GRB2: variants seen among roughly 807,000 people sequenced by gnomAD.
The protein encoded by GRB2 is growth factor receptor-bound protein 2.
In GRB2, 2 loss-of-function variants were observed where a neutral mutation model predicts 27.4. That is an observed-to-expected ratio of 0.07 (90% CI 0.03 to 0.23). The LOEUF (loss-of-function observed/expected upper bound fraction) is 0.23, where lower values mean the gene tolerates loss of function less well. GRB2 is among the 10% of genes least tolerant of loss of function. The probability of loss-of-function intolerance (pLI) is 1.00; values close to 1 mark genes in which losing one functional copy is unlikely to be tolerated. For missense variants in GRB2, 102 were observed against 282.4 expected, an observed-to-expected ratio of 0.36 and a Z score of 4.58; for synonymous variants, 94 against 99.6, an observed-to-expected ratio of 0.94 and a Z score of 0.33.
intron 2 of GRB2, among the ~76,000 whole-genome samples, chr17:75,360,084 C>T (rs1381372510): frequency 6.6e-6 from 1 of 151,604 alleles, no homozygotes; most frequent in Non-Finnish European, 1.5e-5. Flanking sequence ...GGGTTAGAGA[C>T]CAGCCTGGGC....
At chr17:75,337,536 T>C (rs1337477607) in intron 2 of GRB2, among the ~76,000 whole-genome samples, 1 of 151,518 alleles carries the variant, frequency 6.6e-6, no homozygotes, top group Non-Finnish European at 1.5e-5. Flanking sequence ...AAAGCTCACA[T>C]CCTTCACAAA....
At chr17:75,358,700 TAAAAAAAAAA>T (rs71159497) in intron 2 of GRB2, among the ~76,000 whole-genome samples, 4 of 66,284 alleles carry the variant, frequency 6.0e-5, no homozygotes, top group African/African-American at 1.3e-4. Flanking sequence ...CCATCTCTAC[TAAAAAAAAAA>T]AAAAAAAAAA....
intron 2 of GRB2, among the ~76,000 whole-genome samples, chr17:75,349,487 C>G (rs924747544): frequency 6.7e-6 from 1 of 148,430 alleles, no homozygotes. Flanking sequence ...TGGTTCGAGC[C>G]TTCTGTTTTC....
intron 4 of GRB2, among the ~76,000 whole-genome samples, chr17:75,322,829 G>A (rs1035892323): frequency 2.0e-5 from 3 of 149,290 alleles, no homozygotes; most frequent in Non-Finnish European, 4.5e-5. Context: ...GGGCACTCTC[G>A]GCATTCTCGG....
intron 4 of GRB2, among the ~76,000 whole-genome samples, chr17:75,322,599 G>A (rs112214730): frequency 6.6e-5 from 10 of 152,182 alleles, no homozygotes; most frequent in African/African-American, 1.9e-4. Flanking sequence ...CCACTCATGG[G>A]GAAAAGGTCT....
intron 4 of GRB2, among the ~76,000 whole-genome samples, chr17:75,324,517 T>TTGTTTG (rs1321578243): frequency 5.3e-5 from 4 of 76,076 alleles, no homozygotes; most frequent in African/African-American, 1.7e-4. Context: ...GTTTTTTTTT[T>TTGTTTG]TTTTTTTTTT....
intron 2 of GRB2, among the ~76,000 whole-genome samples, chr17:75,378,376 G>A (rs1342052574): frequency 6.8e-6 from 1 of 146,348 alleles, no homozygotes; most frequent in African/African-American, 2.7e-5. Context: ...GAGTGAGACT[G>A]TCTCAAAAAA....
chr17:75,348,066 G>T (rs1262879326), intron 2 of GRB2, among the ~76,000 whole-genome samples: 1 of 152,170 alleles, frequency 6.6e-6, no homozygotes, highest in African/African-American at 2.4e-5. Flanking sequence ...TTGAGACAGG[G>T]GTCTTGCTCT....
rs1037079688 is a variant in GRB2 at position 75,330,654 on chromosome 17, A to C, written c.176+2046T>G. On this transcript the variant is annotated intron_variant, in intron 3 of 5. Coordinates refer to ENST00000316804, the MANE Select transcript of GRB2 (RefSeq NM_002086.5). Reference sequence around the variant, plus strand: ...GCACCACTGCACTCCAGCCTGGGCAACAGAGCAGGATTCCGTCTCATAAAA... The same window carrying C: ...GCACCACTGCACTCCAGCCTGGGCACCAGAGCAGGATTCCGTCTCATAAAA... Among the ~76,000 whole-genome samples the C allele has an allele frequency of 2.0e-5, 3 of 152,062 alleles. 1 individual carries two copies. Among genetic ancestry groups the C allele is most frequent in the Admixed American group, 2.0e-4 (3 of 15,256 alleles).
intron 2 of GRB2, among the ~76,000 whole-genome samples, chr17:75,358,882 CAAA>C (rs71159498): frequency 1.1e-5 from 1 of 94,168 alleles, no homozygotes; most frequent in African/African-American, 4.1e-5. Context: ...GACTCTGTCT[CAAA>C]AAAAAAAAAA....
chr17:75,327,049 G>A (rs556857263), intron 3 of GRB2, among the ~76,000 whole-genome samples: 2 of 150,582 alleles, frequency 1.3e-5, no homozygotes, highest in South Asian at 2.1e-4. Context: ...CATTAAAGTT[G>A]TAAATCTAAC....
intron 2 of GRB2, among the ~76,000 whole-genome samples, chr17:75,374,929 C>T (rs1206017575): frequency 6.6e-6 from 1 of 152,136 alleles, no homozygotes; most frequent in Admixed American, 6.5e-5. Flanking sequence ...GGGTCTCATT[C>T]AGTCGCTCAG....
chr17:75,393,356 C>A (rs911446439), intron 2 of GRB2, 195 bp downstream of exon 2: 6 of 602,640 alleles, frequency 1.0e-5, no homozygotes, highest in Non-Finnish European at 1.5e-5. Flanking sequence ...CAGTTAAACA[C>A]CACACATCAC....
intron 2 of GRB2, among the ~76,000 whole-genome samples, chr17:75,381,475 T>C (rs2078927070): frequency 6.6e-6 from 1 of 151,916 alleles, no homozygotes; most frequent in African/African-American, 2.4e-5. Flanking sequence ...TCCCAGCACT[T>C]TGAGAGGCTG....
intron 2 of GRB2, among the ~76,000 whole-genome samples, chr17:75,389,259 G>T (rs769328658): frequency 6.6e-6 from 1 of 150,590 alleles, no homozygotes; most frequent in Non-Finnish European, 1.5e-5. Context: ...CACAAGTTTC[G>T]TCTCCCTTGA....
rs1365917880 is a variant in GRB2, at chr17:75,320,958, A to C, written c.469-405T>G. ...TAAAGTTCTGGAGCTCGAATAACATAAGGGGCTCTAACCGTAACTTACGAC... is the reference window on the plus strand; with the variant it reads ...TAAAGTTCTGGAGCTCGAATAACATCAGGGGCTCTAACCGTAACTTACGAC... On this transcript the variant is annotated intron_variant, in intron 5 of 5. Transcript: ENST00000316804. This position sits in a 1 kb window ranked among gnomAD's most constrained non-coding sequence, Gnocchi z 4.3. Among the ~76,000 whole-genome samples the C allele has an allele frequency of 6.6e-6, 1 of 152,088 alleles. No individual in the cohort carries two copies. The highest frequency in any genetic ancestry group is 1.5e-5 in the Non-Finnish European group (1 of 68,028).
At chr17:75,385,059 GCAAACAAA>G (rs199796625) in intron 2 of GRB2, among the ~76,000 whole-genome samples, 421 of 25,392 alleles carry the variant, frequency 0.017, 6 homozygotes, top group African/African-American at 0.032. Context: ...AAAAAAAAAA[GCAAACAAA>G]CAAACAAACA....
intron 3 of GRB2, among the ~76,000 whole-genome samples, chr17:75,329,294 C>A (rs1395081345): frequency 6.6e-6 from 1 of 151,994 alleles, no homozygotes; most frequent in African/African-American, 2.4e-5. Context: ...TGAATATAAA[C>A]TGAAATAGCC....
At chr17:75,332,429 A>T (rs2078547377) in intron 3 of GRB2, among the ~76,000 whole-genome samples, 1 of 152,230 alleles carries the variant, frequency 6.6e-6, no homozygotes, top group Non-Finnish European at 1.5e-5. Flanking sequence ...GCTCTAAGAC[A>T]TATTTAACAG....
Sources: allele counts gnomAD v4.1 joint callset (sites outside exome capture counted in the v4.1 genomes callset), GRCh38; gene constraint gnomAD v4.1.1; non-coding constraint Gnocchi (gnomAD v3.1); transcripts MANE v1.5; gene names NCBI Gene and HGNC (gene_info 2026-07-23, HGNC 2026-07-21).